BRD10: variants seen among roughly 807,000 people sequenced by gnomAD.
BRD10 encodes bromodomain containing 10.
the BRD10 span, among the ~76,000 whole-genome samples, chr9:5,991,007 T>A: frequency 6.8e-3 from 1,032 of 152,288 alleles, 15 homozygotes; most frequent in African/African-American, 0.024. Context: ...TACTGAACAT[T>A]ACAACATGGA....
chr9:5,969,259 G>T, the BRD10 span: 1 of 1,613,900 alleles, frequency 6.2e-7, no homozygotes, highest in Admixed American at 1.7e-5. Context: ...ATTCGTAAAA[G>T]ACTATTTCTG....
chr9:5,895,080 G>A, the BRD10 span, among the ~76,000 whole-genome samples: 42 of 152,280 alleles, frequency 2.8e-4, no homozygotes, highest in South Asian at 8.3e-4. Context: ...CACTCAACCC[G>A]TATGCGTGGG....
the BRD10 span, chr9:5,920,136 G>T: frequency 6.2e-7 from 1 of 1,613,888 alleles, no homozygotes; most frequent in Non-Finnish European, 8.5e-7. Context: ...TGTAGAGGTT[G>T]GCCACTTAAG....
At chr9:5,910,275 A>G in the BRD10 span, 1 of 152,250 alleles carries the variant, frequency 6.6e-6, no homozygotes, top group Non-Finnish European at 1.5e-5. Context: ...CTAGTGTAAC[A>G]TAACTGCATC....
chr9:6,006,592 A>C, the BRD10 span, among the ~76,000 whole-genome samples: 1 of 152,178 alleles, frequency 6.6e-6, no homozygotes, highest in African/African-American at 2.4e-5. Context: ...TATAAACTTT[A>C]AAAAATGTGT....
At chr9:5,925,899 T>A in the BRD10 span, among the ~76,000 whole-genome samples, 1 of 152,186 alleles carries the variant, frequency 6.6e-6, no homozygotes. Context: ...AAAATAAACA[T>A]GAACATATGT....
At chr9:5,985,182 T>C in the BRD10 span, among the ~76,000 whole-genome samples, 120 of 152,330 alleles carry the variant, frequency 7.9e-4, no homozygotes, top group African/African-American at 2.7e-3. Context: ...CAACAAATGA[T>C]ACTGAAGGAA....
At chr9:5,986,272 C>G in the BRD10 span, among the ~76,000 whole-genome samples, 1 of 152,178 alleles carries the variant, frequency 6.6e-6, no homozygotes, top group South Asian at 2.1e-4. Flanking sequence ...TGGCTTCCAG[C>G]TTCATCCATG....
At chr9:5,957,242 G>A in the BRD10 span, among the ~76,000 whole-genome samples, 4 of 152,058 alleles carry the variant, frequency 2.6e-5, no homozygotes, top group African/African-American at 4.8e-5. Flanking sequence ...CTGGATAACT[G>A]AAGATCAAAA....
the BRD10 span, among the ~76,000 whole-genome samples, chr9:5,982,939 A>AT: frequency 9.2e-5 from 14 of 152,198 alleles, no homozygotes; most frequent in African/African-American, 3.4e-4. Flanking sequence ...TAAATTTTGA[A>AT]TTTTTAAAAT....
chr9:5,985,196 G>C, the BRD10 span, among the ~76,000 whole-genome samples: 1 of 152,148 alleles, frequency 6.6e-6, no homozygotes, highest in African/African-American at 2.4e-5. Context: ...GAAGGAACTG[G>C]CTATCCATAT....
chr9:5,917,768 G>C, the BRD10 span, among the ~76,000 whole-genome samples: 30 of 152,174 alleles, frequency 2.0e-4, no homozygotes, highest in African/African-American at 7.2e-4. Flanking sequence ...TGGGAGAATT[G>C]CTTGAATCCA....
chr9:5,891,901 G>C, the BRD10 span, among the ~76,000 whole-genome samples: 4 of 152,228 alleles, frequency 2.6e-5, no homozygotes, highest in Admixed American at 2.6e-4. Context: ...AGCTGGGCTG[G>C]AAGATGTTGT....
chr9:5,914,311 A>T, the BRD10 span, among the ~76,000 whole-genome samples: 1 of 151,186 alleles, frequency 6.6e-6, no homozygotes, highest in Non-Finnish European at 1.5e-5. Context: ...TAATAATTTA[A>T]TCTCTTTTTA....
the BRD10 span, among the ~76,000 whole-genome samples, chr9:6,003,961 CCA>C: frequency 6.6e-6 from 1 of 152,200 alleles, no homozygotes; most frequent in Non-Finnish European, 1.5e-5. Flanking sequence ...ACTCTGGAAA[CCA>C]CAGTGAAGCA....
At chr9:5,912,302 A>G in the BRD10 span, among the ~76,000 whole-genome samples, 3 of 152,188 alleles carry the variant, frequency 2.0e-5, no homozygotes, top group Non-Finnish European at 4.4e-5. Flanking sequence ...ATATAACATC[A>G]TATTATCAGC....
At chr9:6,000,038 A>T in the BRD10 span, among the ~76,000 whole-genome samples, 10 of 152,286 alleles carry the variant, frequency 6.6e-5, no homozygotes, top group Admixed American at 5.9e-4. Flanking sequence ...TTTTAATATA[A>T]AAGTAATATG....
At chr9:5,882,385 A>T in the BRD10 span, among the ~76,000 whole-genome samples, 6 of 152,316 alleles carry the variant, frequency 3.9e-5, no homozygotes, top group South Asian at 1.2e-3. Flanking sequence ...CATGAGACCC[A>T]AGCTAGCCAA....
the BRD10 span, chr9:5,968,042 G>C: frequency 1.3e-6 from 2 of 1,520,144 alleles, no homozygotes; most frequent in Non-Finnish European, 1.8e-6. Context: ...CTTGTGTTTT[G>C]CTTTTTTTTT....
Sources: allele counts gnomAD v4.1 joint callset (sites outside exome capture counted in the v4.1 genomes callset), GRCh38; gene constraint gnomAD v4.1.1; transcripts MANE v1.5; gene names NCBI Gene and HGNC (gene_info 2026-07-23, HGNC 2026-07-21).